MYLK3: variants seen among roughly 807,000 people sequenced by gnomAD.
MYLK3 encodes myosin light chain kinase 3.
In MYLK3, 55 loss-of-function variants were observed where a neutral mutation model predicts 76.3. That is an observed-to-expected ratio of 0.72 (90% confidence interval 0.58 to 0.90). The LOEUF is 0.90. Ranked by LOEUF, MYLK3 falls within the 40% of genes least tolerant of loss-of-function variation. The pLI is 0.00. For missense variants in MYLK3, 973 were observed against 1,053.6 expected (o/e 0.92, Z 1.06); for synonymous variants, 416 against 425.4 (o/e 0.98, Z 0.27).
intron 1 of MYLK3, among the ~76,000 whole-genome samples, chr16:46,744,254 G>A (rs577631278): frequency 1.4e-5 from 2 of 144,928 alleles, no homozygotes; most frequent in East Asian, 2.1e-4. Context: ...GACTAGTCTC[G>A]AACTCCTGAC....
At chr16:46,760,936 G>A (rs1302009577) in intron 1 of MYLK3, among the ~76,000 whole-genome samples, 1 of 152,156 alleles carries the variant, frequency 6.6e-6, no homozygotes, top group Non-Finnish European at 1.5e-5. Context: ...AAAAATGTCT[G>A]CTCCAAGATA....
intron 1 of MYLK3, among the ~76,000 whole-genome samples, chr16:46,755,000 A>G (rs2143018125): frequency 6.6e-6 from 1 of 151,682 alleles, no homozygotes; most frequent in South Asian, 2.1e-4. Flanking sequence ...GGACTCAAGC[A>G]GTCTTCCACC....
chr16:46,747,579 A>C, intron 1 of MYLK3, 138 bp downstream of exon 1: 1 of 842,226 alleles, frequency 1.2e-6, no homozygotes, highest in Non-Finnish European at 1.9e-6. Context: ...GTAAGTTTCC[A>C]GCTCTCCTTT....
chr16:46,735,953 G>A (rs1003954996), intron 3 of MYLK3, among the ~76,000 whole-genome samples: 2 of 152,212 alleles, frequency 1.3e-5, no homozygotes, highest in African/African-American at 4.8e-5. Context: ...GTGCTGACCA[G>A]GTCCAGCTCA....
At chr16:46,729,977 G>A in intron 5 of MYLK3, 2 of 529,050 alleles carry the variant, frequency 3.8e-6, no homozygotes, top group Non-Finnish European at 6.8e-6. Flanking sequence ...ACACCACCCA[G>A]GCCATCCTGC....
intron 9 of MYLK3, among the ~76,000 whole-genome samples, chr16:46,716,463 GTA>G (rs907547283): frequency 2.7e-5 from 4 of 149,608 alleles, no homozygotes; most frequent in African/African-American, 9.9e-5. Context: ...ATATATGTGT[GTA>G]TATATATATG....
intron 11 of MYLK3, 100 bp downstream of exon 11, chr16:46,710,537 T>C: frequency 7.5e-7 from 1 of 1,333,870 alleles, no homozygotes. Flanking sequence ...ATGGAATTTG[T>C]CCACAGGAAG....
At chr16:46,716,078 G>A (rs1302388825) in intron 9 of MYLK3, among the ~76,000 whole-genome samples, 3 of 152,114 alleles carry the variant, frequency 2.0e-5, no homozygotes, top group South Asian at 2.1e-4. Context: ...CTGCCAGCCC[G>A]GCCCCACGGA....
intron 10 of MYLK3, chr16:46,711,621 C>T: frequency 2.3e-6 from 1 of 439,964 alleles, no homozygotes. Flanking sequence ...GGCAATCCTC[C>T]CGCCACAGCT....
At chr16:46,711,924 C>T (rs1169882157) in intron 10 of MYLK3, 3 of 160,088 alleles carry the variant, frequency 1.9e-5, no homozygotes, top group Non-Finnish European at 4.1e-5. Context: ...TCGATGAATA[C>T]CTTTGTTATT....
intron 8 of MYLK3, among the ~76,000 whole-genome samples, chr16:46,722,305 A>C (rs762864354): frequency 2.0e-5 from 3 of 152,146 alleles, no homozygotes; most frequent in Non-Finnish European, 4.4e-5. Context: ...CCATTCCTGA[A>C]GACTCAATGT....
chr16:46,716,601 A>G (rs1416158521), intron 9 of MYLK3, among the ~76,000 whole-genome samples: 2 of 151,842 alleles, frequency 1.3e-5, no homozygotes, highest in Non-Finnish European at 2.9e-5. Flanking sequence ...AGGCCTCAGG[A>G]GAGAATCTCT....
intron 3 of MYLK3, among the ~76,000 whole-genome samples, chr16:46,733,848 T>A (rs1277000440): frequency 1.3e-5 from 2 of 152,188 alleles, no homozygotes; most frequent in Non-Finnish European, 2.9e-5. Flanking sequence ...AGCAGGTTGC[T>A]GGACAGCTTT....
rs1183737871 is a variant in MYLK3 at position 46,748,032 on chromosome 16, G to T, written c.162C>A (p.Cys54Ter). 1.2e-6 allele frequency: 2 copies of T among 1,614,056 alleles called. No individual in the cohort carries two copies. ...CCCGCTCCAGGTGGCCCATGTCTCG[G>T]CACATGCTCTGCAACTTCTCTGTGA... The part of the protein sequence containing the change: ...EDVTEKLQSM[C>*]RDMGHLERGL... The change falls in exon 1 of 13, where the codon TGC becomes TGA. Residue 54 changes from cysteine (C) to a stop codon, truncating the protein, a stop_gained. Coordinates refer to ENST00000394809, the MANE Select transcript of MYLK3 (RefSeq NM_182493.3). LOFTEE classifies it high-confidence loss of function. The surrounding 1 kb of genome is among the most constrained non-coding windows in gnomAD (Gnocchi z 4.3).
intron 1 of MYLK3, among the ~76,000 whole-genome samples, chr16:46,759,987 A>G (rs1171435437): frequency 1.3e-5 from 2 of 152,260 alleles, no homozygotes; most frequent in East Asian, 1.9e-4. Flanking sequence ...CTAGAACCCA[A>G]CTTTTTCTAT....
intron 9 of MYLK3, 22 bp from the exon 10 acceptor site, chr16:46,712,798 A>T: frequency 1.9e-6 from 3 of 1,566,780 alleles, no homozygotes; most frequent in Non-Finnish European, 2.6e-6. Context: ...GGGAGGGTAC[A>T]AAGAAGCATG....
chr16:46,710,600 T>C, intron 11 of MYLK3, 37 bp downstream of exon 11: 6 of 1,612,394 alleles, frequency 3.7e-6, no homozygotes, highest in Non-Finnish European at 5.1e-6. Flanking sequence ...GGGGTCCCCA[T>C]CAGAAGGGCC....
rs112723987 is a variant in MYLK3 at position 46,758,820 on chromosome 16, G to C, written c.-114+4220C>G. Among the ~76,000 whole-genome samples, 4 of 152,146 alleles carry C rather than the reference G, an allele frequency of 2.6e-5. 1 individual carries two copies. In the South Asian group the frequency reaches 8.3e-4, roughly 32 times the overall value. ...GCTCTGTGGGTTGAGAGGTGTGTGC[G>C]GGGTGCGGGGTGAGACTGGATATAG... On this transcript the variant is annotated intron_variant, in intron 1 of 11. Coordinates refer to the MYLK3 transcript ENST00000536476.
rs1195658848 is a variant in MYLK3, at chr16:46,706,920, A to C, written c.*784T>G. 1.3e-5 allele frequency: 2 copies of C among 152,230 alleles called. No individual in the cohort carries two copies. Among genetic ancestry groups the C allele is most frequent in the African/African-American group, 4.8e-5 (2 of 41,458 alleles). The allele number at this position is 152,230 out of a possible 1,614,324, so 9.4% of individuals were successfully genotyped here. Reference sequence around the variant, plus strand: ...CTACAGCCTGAGGCAGCAGAAGAGCAGCTTTCCTTTATGTCTCAGGATGTA... The same window carrying C: ...CTACAGCCTGAGGCAGCAGAAGAGCCGCTTTCCTTTATGTCTCAGGATGTA... On this transcript the variant is annotated 3_prime_UTR_variant, in exon 13 of 13. Transcript: ENST00000394809.
Sources: allele counts gnomAD v4.1 joint callset (sites outside exome capture counted in the v4.1 genomes callset), GRCh38; gene constraint gnomAD v4.1.1; non-coding constraint Gnocchi (gnomAD v3.1); transcripts MANE v1.5; gene names NCBI Gene and HGNC (gene_info 2026-07-23, HGNC 2026-07-21).